The following TENM3 variants were observed in gnomAD, a reference collection of about 807,000 sequenced individuals.
The protein encoded by TENM3 is teneurin-3.
In TENM3, 63 loss-of-function variants were observed where a neutral mutation model predicts 255.1. The observed-to-expected ratio is 0.25, with a 90% CI of 0.20 to 0.30. TENM3 has a LOEUF of 0.30. Among genes scored for constraint, TENM3 ranks in the 10% least tolerant of loss-of-function variants. TENM3 has a pLI of 1.00. For missense variants in TENM3, 2,929 were observed against 3,461.1 expected (o/e 0.85, Z 3.86); for synonymous variants, 1,306 against 1,322.3 (o/e 0.99, Z 0.27).
chr4:182,671,491 C>T (rs1399050469), intron 6 of TENM3, among the ~76,000 whole-genome samples: 1 of 152,160 alleles, frequency 6.6e-6, no homozygotes, highest in Non-Finnish European at 1.5e-5. Context: ...TCTCAACCTC[C>T]AGCCTGCAGT....
At chr4:182,039,193 C>G in the TENM3 span, among the ~76,000 whole-genome samples, 1 of 152,158 alleles carries the variant, frequency 6.6e-6, no homozygotes, top group African/African-American at 2.4e-5. Flanking sequence ...GGCTCAAACG[C>G]CTCAAGATGT....
At chr4:181,889,008 AC>A in the TENM3 span, among the ~76,000 whole-genome samples, 1 of 151,996 alleles carries the variant, frequency 6.6e-6, no homozygotes, top group Admixed American at 6.5e-5. Flanking sequence ...CCTCAAACGC[AC>A]CAAGGAATAC....
chr4:182,192,824 T>C (rs375040330), intron 1 of TENM3, among the ~76,000 whole-genome samples: 1 of 152,212 alleles, frequency 6.6e-6, no homozygotes, highest in African/African-American at 2.4e-5. Context: ...GTCCATGGAT[T>C]TGGTAAAAAA....
the TENM3 span, among the ~76,000 whole-genome samples, chr4:181,447,914 T>C: frequency 0.13 from 19,637 of 152,004 alleles, 1,441 homozygotes; most frequent in East Asian, 0.28. Context: ...CTTTATACCT[T>C]TTCTGCACCC....
chr4:182,462,099 G>T (rs542731603), intron 3 of TENM3, among the ~76,000 whole-genome samples: 54 of 150,144 alleles, frequency 3.6e-4, no homozygotes, highest in Middle Eastern at 3.4e-3. Flanking sequence ...TTGAGACAGG[G>T]TCTCTGTCAT....
chr4:182,726,127 G>A (rs1760155916), intron 13 of TENM3, among the ~76,000 whole-genome samples: 1 of 152,046 alleles, frequency 6.6e-6, no homozygotes, highest in Admixed American at 6.6e-5. Context: ...GGAAATTATG[G>A]TAACAAAAAA....
In TENM3 at chr4:182,799,804, A is replaced by G. The variant is rs1241054765; in HGVS notation, c.7553A>G (p.Asn2518Ser). 3 of 1,607,408 alleles carry G rather than the reference A, an allele frequency of 1.9e-6. No homozygotes were observed. Among genetic ancestry groups the G allele is most frequent in the Non-Finnish European group, 2.5e-6 (3 of 1,177,294 alleles). Residue 2518 changes from asparagine (N) to serine (S), a missense_variant, in exon 28 of 28, where the codon AAC (asparagine) becomes AGC (serine). Asn to Ser is a conservative substitution (Grantham distance 46). Coordinates refer to ENST00000511685, the MANE Select transcript of TENM3 (RefSeq NM_001080477.4). The surrounding 1 kb of genome is among the most constrained non-coding windows in gnomAD (Gnocchi z 4.2). ...RVQTNVLNIA[N>S]EDCIKVAAVL... Reference sequence around the variant, plus strand: ...CAGACCAACGTGCTCAACATCGCCAACGAGGACTGCATCAAGGTGGCGGCC... The same window carrying G: ...CAGACCAACGTGCTCAACATCGCCAGCGAGGACTGCATCAAGGTGGCGGCC...
chr4:182,025,632 T>C, the TENM3 span, among the ~76,000 whole-genome samples: 1 of 152,186 alleles, frequency 6.6e-6, no homozygotes, highest in African/African-American at 2.4e-5. Context: ...TAATTTACAT[T>C]CCCACCAACA....
At chr4:182,286,469 T>C (rs1760733810) in intron 1 of TENM3, among the ~76,000 whole-genome samples, 1 of 152,118 alleles carries the variant, frequency 6.6e-6, no homozygotes, top group Admixed American at 6.6e-5. Context: ...GGGAGAAAGT[T>C]CTCACCACAA....
the TENM3 span, among the ~76,000 whole-genome samples, chr4:182,044,524 A>C: frequency 3.9e-5 from 6 of 152,274 alleles, no homozygotes; most frequent in Non-Finnish European, 8.8e-5. Context: ...CAAAAAGGGC[A>C]CTGAGAAGAA....
intron 1 of TENM3, among the ~76,000 whole-genome samples, chr4:182,154,625 C>A (rs962939364): frequency 2.6e-5 from 4 of 152,062 alleles, no homozygotes; most frequent in Non-Finnish European, 5.9e-5. Context: ...TTGATTCTTG[C>A]GGGGTACTCA....
chr4:181,717,744 ATC>A, the TENM3 span, among the ~76,000 whole-genome samples: 1 of 152,320 alleles, frequency 6.6e-6, no homozygotes, highest in Non-Finnish European at 1.5e-5. Flanking sequence ...CATCTGGTAT[ATC>A]TCTGTCTAGA....
At position 182,429,957 on chromosome 4, in the gene TENM3, G is replaced by A. The variant is rs569107752; in HGVS notation, c.511+83028G>A. ...ACAGACATATTTGAGGCTCAAAAAA[G>A]TTAGTTTTCTGAAAATTACACATCC... On this transcript the variant is annotated intron_variant, in intron 3 of 27. Transcript: ENST00000511685. Among the ~76,000 whole-genome samples, 4 of 152,264 alleles carry A rather than the reference G, an allele frequency of 2.6e-5. No homozygotes were observed. The South Asian group carries it at 8.3e-4, about 32-fold the overall frequency.
the TENM3 span, among the ~76,000 whole-genome samples, chr4:181,903,427 C>G: frequency 6.6e-6 from 1 of 152,150 alleles, no homozygotes; most frequent in South Asian, 2.1e-4. Flanking sequence ...ACAGCTGATG[C>G]CTTTGACTGT....
chr4:182,186,500 G>T (rs1329123142), intron 1 of TENM3, among the ~76,000 whole-genome samples: 1 of 151,366 alleles, frequency 6.6e-6, no homozygotes, highest in Non-Finnish European at 1.5e-5. Context: ...TAATTTGCTT[G>T]TTTTTAATAG....
chr4:181,950,584 C>T, the TENM3 span, among the ~76,000 whole-genome samples: 1 of 152,172 alleles, frequency 6.6e-6, no homozygotes, highest in Non-Finnish European at 1.5e-5. Context: ...GCTGTTGGCC[C>T]AGCACCCTGG....
the TENM3 span, among the ~76,000 whole-genome samples, chr4:181,831,592 T>G: frequency 6.6e-6 from 1 of 152,030 alleles, no homozygotes; most frequent in East Asian, 1.9e-4. Flanking sequence ...AGCTATCTAG[T>G]CTTTTTAAAA....
chr4:182,486,251 A>T (rs1028740229), intron 3 of TENM3, among the ~76,000 whole-genome samples: 5 of 149,130 alleles, frequency 3.4e-5, no homozygotes, highest in African/African-American at 1.2e-4. Context: ...TTTTAAAAAG[A>T]TTTAAAAAAG....
chr4:181,596,712 A>G, the TENM3 span, among the ~76,000 whole-genome samples: 1 of 152,246 alleles, frequency 6.6e-6, no homozygotes, highest in Non-Finnish European at 1.5e-5. Flanking sequence ...CTGGATAAAG[A>G]AAATGTGGTA....
Sources: gnomAD v4.1 joint callset for allele counts (sites outside exome capture counted in the v4.1 genomes callset) on GRCh38, gnomAD v4.1.1 for gene constraint, Gnocchi (gnomAD v3.1) non-coding constraint, MANE v1.5 for transcripts, NCBI Gene and HGNC (gene_info 2026-07-23, HGNC 2026-07-21) for gene names.